The following PDE1A variants were observed in gnomAD, a reference collection of about 807,000 sequenced individuals.
PDE1A encodes the protein phosphodiesterase 1A.
PDE1A carries 35 observed loss-of-function variants against 61.7 expected under a neutral mutation model. The ratio of observed to expected loss-of-function variants is 0.57; its 90% confidence interval spans 0.43 to 0.75. The LOEUF is 0.75. Among genes scored for constraint, PDE1A ranks in the 30% least tolerant of loss-of-function variants. PDE1A has a pLI of 0.00. For missense variants in PDE1A, 597 were observed against 630.6 expected (o/e 0.95, Z 0.57); for synonymous variants, 232 against 213.2 (o/e 1.09, Z -0.77).
chr2:182,256,038 C>CTTTTTTTTTTTTTTTTTTTTTTTTTTTTT (rs755211798), intron 2 of PDE1A, among the ~76,000 whole-genome samples: 1 of 92,334 alleles, frequency 1.1e-5, no homozygotes, highest in Non-Finnish European at 2.1e-5. Flanking sequence ...AGGATGACTT[C>CTTTTTTTTTTTTTTTTTTTTTTTTTTTTT]TTTTTTTTTT....
the PDE1A span, among the ~76,000 whole-genome samples, chr2:182,632,345 G>A: frequency 8.2e-4 from 124 of 151,858 alleles, 1 homozygote; most frequent in African/African-American, 1.9e-3. Context: ...TTTTACAATC[G>A]TTCTATGTAA....
chr2:182,185,989 G>T (rs532092704), exon 13 of PDE1A: 1 of 1,613,980 alleles, frequency 6.2e-7, no homozygotes, highest in Non-Finnish European at 8.5e-7. Flanking sequence ...CAAGGGAGTA[G>T]TCTGGGGAAT....
chr2:182,563,336 G>T, the PDE1A span, among the ~76,000 whole-genome samples: 13 of 152,104 alleles, frequency 8.5e-5, no homozygotes, highest in Non-Finnish European at 1.6e-4. Context: ...TCAGGAGCAG[G>T]TTGTTCAGTT....
At chr2:182,449,079 CACACACAA>C (rs1282263291) in intron 2 of PDE1A, among the ~76,000 whole-genome samples, 55 of 150,476 alleles carry the variant, frequency 3.7e-4, no homozygotes, top group Non-Finnish European at 6.1e-4. Context: ...CACACACACA[CACACACAA>C]ACAAAACCCA....
rs186242115 is a variant in PDE1A, at chr2:182,298,413, G to A, written c.54-33999C>T. ...AATATGTTGCCTTATTGTGAGAAAG[G>A]CTAAAACAGAACCAGTAAGTCCTAT... On this transcript the variant is annotated intron_variant, in intron 1 of 13. Coordinates refer to ENST00000351439, the Ensembl canonical transcript of PDE1A. 2.0e-5 allele frequency among the ~76,000 whole-genome samples: 3 copies of A among 152,256 alleles called. No individual in the cohort carries two copies. In the East Asian group the frequency reaches 5.8e-4, roughly 29 times the overall value.
At chr2:182,428,564 A>G (rs1320376949), upstream of PDE1A, among the ~76,000 whole-genome samples, 1 of 152,186 alleles carries the variant, frequency 6.6e-6, no homozygotes, top group Non-Finnish European at 1.5e-5. Flanking sequence ...GCTATACAGC[A>G]GTTAAATATA....
At chr2:182,367,706 T>C (rs920600814) in intron 1 of PDE1A, among the ~76,000 whole-genome samples, 1 of 152,114 alleles carries the variant, frequency 6.6e-6, no homozygotes, top group Admixed American at 6.6e-5. Flanking sequence ...CATTAGTACC[T>C]AATACTTTAA....
intron 2 of PDE1A, among the ~76,000 whole-genome samples, chr2:182,475,515 T>C (rs866291993): frequency 6.6e-6 from 1 of 151,938 alleles, no homozygotes; most frequent in Admixed American, 6.6e-5. Context: ...AGCCAGACTA[T>C]ATGCTTTACC....
rs933826202 is a variant in PDE1A at position 182,234,418 on chromosome 2, T to G, written c.417+14A>C. On this transcript the variant is annotated intron_variant, in intron 4 of 13. Coordinates refer to ENST00000351439, the Ensembl canonical transcript of PDE1A. ...ATGACCATTTTATACACGAAAATAA[T>G]GAAATTATGTCACCTTTAATGTTAC... 1.3e-5 allele frequency: 20 copies of G among 1,572,104 alleles called. No homozygotes were observed. Among genetic ancestry groups the G allele is most frequent in the Non-Finnish European group, 1.7e-5 (20 of 1,150,412 alleles).
At chr2:182,677,160 A>C in the PDE1A span, among the ~76,000 whole-genome samples, 1 of 152,212 alleles carries the variant, frequency 6.6e-6, no homozygotes, top group South Asian at 2.1e-4. Context: ...ATATCAAGAA[A>C]ACCCCATAGT....
At chr2:182,589,047 T>A in the PDE1A span, among the ~76,000 whole-genome samples, 42 of 3,674 alleles carry the variant, frequency 0.011, no homozygotes, top group Non-Finnish European at 0.019. Flanking sequence ...TGTCTCAAAA[T>A]AATAATAATA....
chr2:182,415,666 G>T (rs1409650314), intron 1 of PDE1A, among the ~76,000 whole-genome samples: 1 of 151,918 alleles, frequency 6.6e-6, no homozygotes, highest in Non-Finnish European at 1.5e-5. Flanking sequence ...AGTTCTTTAT[G>T]TTCTAAATTT....
chr2:182,592,167 T>C, the PDE1A span, among the ~76,000 whole-genome samples: 1 of 152,208 alleles, frequency 6.6e-6, no homozygotes, highest in Admixed American at 6.5e-5. Flanking sequence ...CTGGAAAGCT[T>C]AAGGCTAAAC....
chr2:182,685,403 T>C, the PDE1A span, among the ~76,000 whole-genome samples: 1 of 152,160 alleles, frequency 6.6e-6, no homozygotes, highest in Admixed American at 6.5e-5. Flanking sequence ...TTCTCATTAT[T>C]GAAAAAGTGG....
chr2:182,277,789 T>C (rs968845954), intron 1 of PDE1A, among the ~76,000 whole-genome samples: 5 of 152,068 alleles, frequency 3.3e-5, no homozygotes, highest in Admixed American at 2.6e-4. Context: ...TGAGATGCAC[T>C]GAGTTTCAGC....
At chr2:182,168,805 C>T (rs918556497) in intron 13 of PDE1A, among the ~76,000 whole-genome samples, 1 of 151,964 alleles carries the variant, frequency 6.6e-6, no homozygotes, top group African/African-American at 2.4e-5. Flanking sequence ...CAGAAAATAT[C>T]TTTCTCTTAT....
chr2:182,657,612 A>G, the PDE1A span, among the ~76,000 whole-genome samples: 1 of 152,216 alleles, frequency 6.6e-6, no homozygotes, highest in South Asian at 2.1e-4. Context: ...GACATCAGAG[A>G]AAAATAACAA....
At chr2:182,716,505 G>C in the PDE1A span, 1 of 152,540 alleles carries the variant, frequency 6.6e-6, no homozygotes, top group African/African-American at 2.4e-5. Flanking sequence ...CCCGGGGCTA[G>C]GGCTTTGCTG....
downstream of PDE1A, among the ~76,000 whole-genome samples, chr2:182,164,895 A>T (rs369169709): frequency 6.6e-6 from 1 of 152,122 alleles, no homozygotes; most frequent in African/African-American, 2.4e-5. Flanking sequence ...AACTTATGTA[A>T]TGACTTATTC....
Sources: allele counts gnomAD v4.1 joint callset (sites outside exome capture counted in the v4.1 genomes callset), GRCh38; gene constraint gnomAD v4.1.1; transcripts MANE v1.5; gene names NCBI Gene and HGNC (gene_info 2026-07-23, HGNC 2026-07-21).